CPNE3: variants seen among roughly 807,000 people sequenced by gnomAD.
CPNE3 encodes copine-3.
A neutral mutation model predicts 63.9 loss-of-function variants in CPNE3; 68 were observed. That is an observed-to-expected ratio of 1.06 (90% CI 0.87 to 1.30). The LOEUF (loss-of-function observed/expected upper bound fraction) is 1.30, where lower values mean the gene tolerates loss of function less well. Among genes scored for constraint, CPNE3 ranks in the 50% most tolerant of loss-of-function variants. The pLI is 0.00. For missense variants in CPNE3, 665 were observed against 578.1 expected (o/e 1.15, Z -1.54); for synonymous variants, 219 against 197.5 (o/e 1.11, Z -0.91).
intron 2 of CPNE3, among the ~76,000 whole-genome samples, chr8:86,521,982 A>C (rs72690444): frequency 0.054 from 8,259 of 152,256 alleles, 314 homozygotes; most frequent in Non-Finnish European, 0.087. Context: ...GTAAAAAAAA[A>C]CAAAATCTGT....
chr8:86,534,114 A>G (rs1239637693), intron 6 of CPNE3, among the ~76,000 whole-genome samples: 1 of 151,854 alleles, frequency 6.6e-6, no homozygotes, highest in African/African-American at 2.4e-5. Context: ...TTCAAAAAAG[A>G]ATTTTCCATA....
In CPNE3 at chr8:86,558,283, A is replaced by C. The variant is rs1821364747; in HGVS notation, c.1492-5A>C. 2 of 872,888 alleles carry C rather than the reference A, an allele frequency of 2.3e-6. No homozygotes were observed. The highest frequency in any genetic ancestry group is 4.0e-6 in the Non-Finnish European group (2 of 501,612). The allele number at this position is 872,888 out of a possible 1,614,324, so 54.1% of individuals were successfully genotyped here. On this transcript the variant is annotated splice_polypyrimidine_tract_variant and splice_region_variant and intron_variant, in intron 16 of 16. Coordinates refer to ENST00000517490, the MANE Select transcript of CPNE3 (RefSeq NM_003909.5). Reference sequence around the variant, plus strand: ...TAAAGTCACTTTTATTTTGTTTTTCACAAGGCTCCAAAAGAAGCACTTGCT... The same window carrying C: ...TAAAGTCACTTTTATTTTGTTTTTCCCAAGGCTCCAAAAGAAGCACTTGCT...
At chr8:86,551,729 T>A (rs901195355) in intron 14 of CPNE3, among the ~76,000 whole-genome samples, 1 of 152,222 alleles carries the variant, frequency 6.6e-6, no homozygotes, top group Non-Finnish European at 1.5e-5. Flanking sequence ...GTAGCTGGGA[T>A]GGGCAAAAGG....
At chr8:86,541,547 T>A (rs946120931) in intron 8 of CPNE3, among the ~76,000 whole-genome samples, 1 of 151,478 alleles carries the variant, frequency 6.6e-6, no homozygotes, top group African/African-American at 2.4e-5. Context: ...CTACAGAAAA[T>A]ACAAAAATGA....
intron 8 of CPNE3, among the ~76,000 whole-genome samples, chr8:86,544,218 A>G (rs902697007): frequency 1.3e-5 from 2 of 152,168 alleles, no homozygotes; most frequent in Non-Finnish European, 1.5e-5. Flanking sequence ...GCTTCATCAT[A>G]TCTAACTTAT....
chr8:86,554,760 G>C, intron 14 of CPNE3, 91 bp from the exon 15 acceptor site: 1 of 1,442,276 alleles, frequency 6.9e-7, no homozygotes. Context: ...ACTATATGTT[G>C]ATACATATAA....
chr8:86,552,391 T>C (rs1821201393), intron 14 of CPNE3, among the ~76,000 whole-genome samples: 1 of 152,182 alleles, frequency 6.6e-6, no homozygotes. Context: ...CATTTGAAAC[T>C]GGGAATGTTA....
chr8:86,519,143 A>G (rs1820378998), intron 2 of CPNE3, among the ~76,000 whole-genome samples: 1 of 152,244 alleles, frequency 6.6e-6, no homozygotes, highest in African/African-American at 2.4e-5. Flanking sequence ...GGACTTGAAA[A>G]TACAATCAGT....
In CPNE3 at chr8:86,528,931, G is replaced by T; in HGVS notation, c.133-14G>T. 3 of 1,586,132 alleles carry T rather than the reference G, an allele frequency of 1.9e-6. No homozygotes were observed. Among genetic ancestry groups the T allele is most frequent in the African/African-American group, 1.4e-5 (1 of 73,276 alleles). On this transcript the variant is annotated splice_polypyrimidine_tract_variant and intron_variant, in intron 3 of 16. Transcript: ENST00000517490. ...GATCTGAAGAAACTTTTTTGTTTTT[G>T]CGGATGGGTGTAGGTTGAGCGCACA... is the stretch of plus-strand genomic sequence containing the variant.
intron 10 of CPNE3, chr8:86,547,260 C>T (rs1821072830): frequency 6.4e-6 from 1 of 155,100 alleles, no homozygotes; most frequent in East Asian, 1.9e-4. Flanking sequence ...ATAGTATTTT[C>T]TCAGCTCTTT....
chr8:86,523,456 A>G (rs1240368438), intron 2 of CPNE3, among the ~76,000 whole-genome samples: 1 of 152,218 alleles, frequency 6.6e-6, no homozygotes, highest in African/African-American at 2.4e-5. Flanking sequence ...TTCACAGTAT[A>G]TAGACGGAGT....
chr8:86,521,119 T>A (rs1244390515), intron 2 of CPNE3, among the ~76,000 whole-genome samples: 1 of 152,176 alleles, frequency 6.6e-6, no homozygotes, highest in Non-Finnish European at 1.5e-5. Flanking sequence ...AGAGTCTGGA[T>A]ATTAAGTGCA....
intron 3 of CPNE3, 58 bp from the exon 4 acceptor site, chr8:86,528,887 A>G: frequency 1.4e-6 from 2 of 1,476,572 alleles, no homozygotes; most frequent in Non-Finnish European, 1.8e-6. Flanking sequence ...TAAAGATGTG[A>G]AAATCCAAGT....
chr8:86,550,930 C>G, intron 12 of CPNE3, 116 bp from the exon 13 acceptor site: 1 of 1,034,022 alleles, frequency 9.7e-7, no homozygotes, highest in Non-Finnish European at 1.3e-6. Flanking sequence ...TATAGGTAAT[C>G]TTTGTTTTAT....
At position 86,528,597 on chromosome 8, in the gene CPNE3, CTTTTGGATA is replaced by C. The variant is rs1563687886; in HGVS notation, c.53_61del (p.Leu18_Lys21delinsGln). The C allele has an allele frequency of 4.3e-6, 7 of 1,613,956 alleles. No homozygotes were observed. ...GGCGCTGAATGTTTCCTGTGCCAAT[CTTTTGGATA>C]AAGATATAGGGTCAAAGTCAGACCC... On this transcript the variant is annotated inframe_deletion, in exon 3 of 17. Coordinates refer to ENST00000517490, the MANE Select transcript of CPNE3 (RefSeq NM_003909.5).
intron 8 of CPNE3, among the ~76,000 whole-genome samples, chr8:86,541,411 T>G (rs1820934738): frequency 6.6e-6 from 1 of 152,126 alleles, no homozygotes; most frequent in Admixed American, 6.6e-5. Flanking sequence ...ACTGAAAAAC[T>G]GCTTCATTTT....
chr8:86,523,419 G>A (rs779121735), intron 2 of CPNE3, among the ~76,000 whole-genome samples: 9 of 152,256 alleles, frequency 5.9e-5, no homozygotes, highest in Admixed American at 3.3e-4. Context: ...AGAAGAGGAA[G>A]TGGTAAAATA....
chr8:86,522,784 A>G (rs1349669038), intron 2 of CPNE3, among the ~76,000 whole-genome samples: 1 of 151,966 alleles, frequency 6.6e-6, no homozygotes, highest in Non-Finnish European at 1.5e-5. Flanking sequence ...AATTTTTTAC[A>G]TTAGGCCAGT....
chr8:86,551,319 C>A, intron 14 of CPNE3, 85 bp downstream of exon 14: 1 of 986,888 alleles, frequency 1.0e-6, no homozygotes, highest in South Asian at 1.4e-5. Context: ...TGTTTTTTTT[C>A]TTGTGATTAA....
Sources: gnomAD v4.1 joint callset for allele counts (sites outside exome capture counted in the v4.1 genomes callset) on GRCh38, gnomAD v4.1.1 for gene constraint, MANE v1.5 for transcripts, NCBI Gene and HGNC (gene_info 2026-07-23, HGNC 2026-07-21) for gene names.